NIBAN3: variants seen among roughly 807,000 people sequenced by gnomAD.
NIBAN3 encodes protein Niban 3.
Under a neutral mutation model 76.4 loss-of-function variants are expected in NIBAN3, and 66 were observed. That is an observed-to-expected ratio of 0.86 (90% CI 0.71 to 1.06). The LOEUF is 1.06. Among genes scored for constraint, NIBAN3 ranks in the 50% least tolerant of loss-of-function variants. The pLI, the probability that NIBAN3 is intolerant of heterozygous loss-of-function variation, is 0.00. For synonymous variants in NIBAN3, 360 were observed against 355.2 expected (o/e 1.01, Z -0.15); for missense variants, 808 against 810.7 (o/e 1.00, Z 0.04).
chr19:17,550,149 A>T (rs1651337882), intron 14 of NIBAN3, among the ~76,000 whole-genome samples: 2 of 152,068 alleles, frequency 1.3e-5, no homozygotes, highest in Non-Finnish European at 2.9e-5. Flanking sequence ...CCTAGGACTT[A>T]GGGGGCATCT....
chr19:17,527,812 A>G (rs1478602065), intron 1 of NIBAN3, among the ~76,000 whole-genome samples: 1 of 151,872 alleles, frequency 6.6e-6, no homozygotes, highest in African/African-American at 2.4e-5. Flanking sequence ...CTCCCGCCTC[A>G]GCCCGAATAG....
At chr19:17,547,749 C>G (rs912136964) in intron 13 of NIBAN3, among the ~76,000 whole-genome samples, 1 of 151,990 alleles carries the variant, frequency 6.6e-6, no homozygotes, top group African/African-American at 2.4e-5. Flanking sequence ...CTCACTGCAA[C>G]CTCCGCCTCC....
Position 17,532,137 on chromosome 19 carries a change from C to G in NIBAN3, c.187-126C>G. ...AGAGCCCCTTCCTGCCTAGGACTCT[C>G]TCTGTCCAGCCTGGGGCATCACGGG... On this transcript the variant is annotated intron_variant, in intron 2 of 14. Transcript: ENST00000599164. The G allele has an allele frequency of 2.4e-6, 3 of 1,269,290 alleles. No individual in the cohort carries two copies. In the East Asian group the frequency reaches 7.8e-5, roughly 33 times the overall value. 78.6% of individuals were successfully genotyped at this position (1,269,290 alleles called of 1,614,324 possible).
chr19:17,536,484 T>C (rs759757862), intron 4 of NIBAN3, among the ~76,000 whole-genome samples: 9 of 152,164 alleles, frequency 5.9e-5, no homozygotes, highest in Non-Finnish European at 1.3e-4. Context: ...CCACCTCGCC[T>C]GGCCTGGATT....
At chr19:17,541,756 C>A (rs1888912686) in intron 9 of NIBAN3, among the ~76,000 whole-genome samples, 1 of 151,866 alleles carries the variant, frequency 6.6e-6, no homozygotes, top group African/African-American at 2.4e-5. Flanking sequence ...GTGGTGCGAT[C>A]TTGGCTCACT....
At position 17,552,326 on chromosome 19, in the gene NIBAN3, C is replaced by G. The variant is rs7258371; in HGVS notation, c.*428C>G. On this transcript the variant is annotated 3_prime_UTR_variant, in exon 15 of 15. Coordinates refer to ENST00000599164, the MANE Select transcript of NIBAN3 (RefSeq NM_001321827.2). The stretch of plus-strand genomic sequence containing the variant: ...ACTCCTGTCCTTAAGTGATCTGCCC[C>G]CCTCAGCCTCCCAAAGTGCTGGGAT... 152,205 of 152,344 alleles carry G rather than the reference C, an allele frequency of 1. 76,033 individuals are homozygous for G. The highest frequency in any genetic ancestry group is 1 in the Middle Eastern group (296 of 296). 9.4% of individuals were successfully genotyped at this position (152,344 alleles called of 1,614,324 possible). A position where few individuals can be genotyped will look rare whatever the true frequency, so the allele number is the denominator to read the frequency against.
intron 8 of NIBAN3, 104 bp from the exon 9 acceptor site, chr19:17,540,288 C>T: frequency 4.0e-6 from 3 of 754,944 alleles, no homozygotes; most frequent in Non-Finnish European, 5.8e-6. Flanking sequence ...TAGAAGAGGG[C>T]GCTCAGCGTC....
chr19:17,541,230 T>C lies in NIBAN3; in HGVS notation c.1170+648T>C, dbSNP rs13344171. On this transcript the variant is annotated intron_variant, in intron 9 of 14. Coordinates refer to ENST00000599164, the MANE Select transcript of NIBAN3 (RefSeq NM_001321827.2). ...AGCACCTAAAATACATACATACATATATACATACATACATACATACATACA... is the reference window on the plus strand; with the variant it reads ...AGCACCTAAAATACATACATACATACATACATACATACATACATACATACA... Among the ~76,000 whole-genome samples, 3 of 149,984 alleles carry C rather than the reference T, an allele frequency of 2.0e-5. No homozygotes were observed. In the South Asian group the frequency reaches 6.4e-4, roughly 32 times the overall value.
intron 12 of NIBAN3, 34 bp downstream of exon 12, chr19:17,543,665 C>T: frequency 6.5e-7 from 1 of 1,545,912 alleles, no homozygotes; most frequent in Non-Finnish European, 8.9e-7. Flanking sequence ...GAGGGTCTGA[C>T]AGCATCACCA....
chr19:17,553,558 C>T lies in NIBAN3; in HGVS notation c.*1660C>T, dbSNP rs745502827. 1.2e-6 allele frequency: 2 copies of T among 1,613,750 alleles called. No homozygotes were observed. Among genetic ancestry groups the T allele is most frequent in the Admixed American group, 1.7e-5 (1 of 60,010 alleles). On this transcript the variant is annotated 3_prime_UTR_variant, in exon 15 of 15. Transcript: ENST00000599164. ...CTGGAGTTTTCGGCCTACCCCAAGA[C>T]AATGAGATATTCCTGACCTTTCCAC...
rs559036309 is a variant in NIBAN3 at position 17,545,979 on chromosome 19, G to A, written c.1555-707G>A. On this transcript the variant is annotated intron_variant, in intron 12 of 14. Transcript: ENST00000599164. The stretch of plus-strand genomic sequence containing the variant: ...CCGGTGTTTTTCCTTGACACTTTTC[G>A]CTACCGCTAGACCACGGTCTGCCTG... 558 of 441,192 alleles carry A rather than the reference G, an allele frequency of 1.3e-3. 2 individuals carry two copies. Among genetic ancestry groups the A allele is most frequent in the African/African-American group, 4.2e-3 (208 of 49,828 alleles). 27.3% of individuals were successfully genotyped at this position (441,192 alleles called of 1,614,324 possible).
chr19:17,549,557 G>T (rs763883993), intron 14 of NIBAN3, 30 bp downstream of exon 14: 14 of 1,553,488 alleles, frequency 9.0e-6, no homozygotes, highest in Non-Finnish European at 1.2e-5. Context: ...TCTGAAACAT[G>T]CCAGTGATTG....
intron 3 of NIBAN3, 116 bp downstream of exon 3, chr19:17,532,504 G>A (rs1202499292): frequency 6.6e-7 from 1 of 1,504,450 alleles, no homozygotes. Flanking sequence ...AATCACCCAG[G>A]ATGAATCTTG....
At chr19:17,527,431 G>A in intron 1 of NIBAN3, 36 bp downstream of exon 1, 1 of 1,477,432 alleles carries the variant, frequency 6.8e-7, no homozygotes, top group Non-Finnish European at 9.0e-7. Flanking sequence ...TGGGAGTCCA[G>A]GTGGGTGGGG....
intron 14 of NIBAN3, 43 bp from the exon 15 acceptor site, chr19:17,551,740 TCTG>T: frequency 1.4e-6 from 1 of 729,100 alleles, no homozygotes; most frequent in South Asian, 1.4e-5. Flanking sequence ...ATGCCAGGCA[TCTG>T]ACACATCTGA....
At position 17,539,583 on chromosome 19, in the gene NIBAN3, C is replaced by G. The variant is rs573897082; in HGVS notation, c.817-20C>G. 5.9e-6 allele frequency: 9 copies of G among 1,522,974 alleles called. No homozygotes were observed. In the South Asian group the frequency reaches 8.7e-5, roughly 15 times the overall value. The allele number at this position is 1,522,974 out of a possible 1,614,324, so 94.3% of individuals were successfully genotyped here. A position where few individuals can be genotyped will look rare whatever the true frequency, so the allele number is the denominator to read the frequency against. ...CCGCCCCGTGTCTCGGCTTTGTCCC[C>G]CCTCGACCGGTCTGGGCAGCTTCTA... On this transcript the variant is annotated intron_variant, in intron 7 of 14. Transcript: ENST00000599164.
At chr19:17,526,649 A>G (rs551360830), upstream of NIBAN3, among the ~76,000 whole-genome samples, 2 of 127,380 alleles carry the variant, frequency 1.6e-5, no homozygotes, top group Non-Finnish European at 1.7e-5. Flanking sequence ...CCCTGTCTCT[A>G]AAAAAAAAAA....
In NIBAN3 at chr19:17,532,672, G is replaced by A. The variant is rs193294676; in HGVS notation, c.312+284G>A. 1.7e-3 allele frequency among the ~76,000 whole-genome samples: 261 copies of A among 152,314 alleles called. 1 individual carries two copies. The highest frequency in any genetic ancestry group is 5.8e-3 in the African/African-American group (241 of 41,574). On this transcript the variant is annotated intron_variant, in intron 3 of 14. Transcript: ENST00000599164. ...GCCTTTGCAAGTCACACCTCTGGCC[G>A]CTCTGCTTTCTGGCTGGGGAGCTTG...
chr19:17,540,430 G>C lies in NIBAN3; in HGVS notation c.1018G>C (p.Glu340Gln). 7 of 1,538,566 alleles carry C rather than the reference G, an allele frequency of 4.5e-6. No individual in the cohort carries two copies. The highest frequency in any genetic ancestry group is 1.4e-5 in the African/African-American group (1 of 71,222). The change falls in exon 9 of 15, where the codon GAG becomes CAG. Residue 340 changes from glutamate (E) to glutamine (Q), a missense_variant. Coordinates refer to ENST00000599164, the MANE Select transcript of NIBAN3 (RefSeq NM_001321827.2). ...RGPLESCLRR[E>Q]VDPQLPRVVQ... ...ACCGCTCGAGTCGTGCCTGCGCCGG[G>C]AGGTGGACCCGCAGCTGCCCCGGGT...
Sources: gnomAD v4.1 joint callset for allele counts (sites outside exome capture counted in the v4.1 genomes callset) on GRCh38, gnomAD v4.1.1 for gene constraint, MANE v1.5 for transcripts, NCBI Gene and HGNC (gene_info 2026-07-23, HGNC 2026-07-21) for gene names.